Variants in PLEKHG5 observed in about 807,000 individuals in gnomAD.
PLEKHG5 encodes the protein pleckstrin homology and RhoGEF domain containing G5.
PLEKHG5 carries 52 observed loss-of-function variants against 103.8 expected under a neutral mutation model. That is an observed-to-expected ratio of 0.50 (90% CI 0.40 to 0.63). PLEKHG5 has a LOEUF of 0.63. Among genes scored for constraint, PLEKHG5 ranks in the 30% least tolerant of loss-of-function variants. The pLI, the probability that PLEKHG5 is intolerant of heterozygous loss-of-function variation, is 0.00. For missense variants in PLEKHG5, 1,205 were observed against 1,347.6 expected (o/e 0.89, Z 1.66); for synonymous variants, 592 against 575.5 (o/e 1.03, Z -0.41).
chr1:6,501,517 A>G (rs1324392310), upstream of PLEKHG5, among the ~76,000 whole-genome samples: 1 of 152,106 alleles, frequency 6.6e-6, no homozygotes, highest in African/African-American at 2.4e-5. This position sits in a 1 kb window ranked among gnomAD's most constrained non-coding sequence, Gnocchi z 4.3. Flanking sequence ...ACACACAATG[A>G]CCACAGCTCT....
At chr1:6,485,253 G>A (rs1168216031) in intron 1 of PLEKHG5, 14 of 1,052,688 alleles carry the variant, frequency 1.3e-5, no homozygotes, top group African/African-American at 3.3e-5. Flanking sequence ...CTGGCCTCCC[G>A]CACAGGACTG....
chr1:6,495,011 C>T (rs1418389993), upstream of PLEKHG5, among the ~76,000 whole-genome samples: 1 of 152,218 alleles, frequency 6.6e-6, no homozygotes, highest in African/African-American at 2.4e-5. Context: ...GCTGGGCCAT[C>T]CCACCCCTGC....
intron 17 of PLEKHG5, 29 bp from the exon 18 acceptor site, chr1:6,469,479 A>G (rs1482525759): frequency 5.0e-6 from 8 of 1,613,444 alleles, no homozygotes; most frequent in Non-Finnish European, 6.8e-6. Flanking sequence ...AGTCAGTGTC[A>G]GCAGAGACGA....
At chr1:6,519,802 C>A in exon 1 of PLEKHG5, 1 of 525,154 alleles carries the variant, frequency 1.9e-6, no homozygotes, top group Non-Finnish European at 3.4e-6. Context: ...CACTGCATTT[C>A]CTTGTTGGTG....
chr1:6,519,895 G>A (rs1419820629), exon 1 of PLEKHG5: 1 of 335,764 alleles, frequency 3.0e-6, no homozygotes, highest in South Asian at 2.7e-5. Flanking sequence ...TGCCCTGGAG[G>A]TGCCGTCCCT....
At chr1:6,483,869 C>T (rs761875706) in intron 1 of PLEKHG5, among the ~76,000 whole-genome samples, 2 of 152,230 alleles carry the variant, frequency 1.3e-5, no homozygotes, top group East Asian at 1.9e-4. Context: ...GGGAGCCCCC[C>T]GTCTGCGGGC....
At chr1:6,516,889 C>T (rs987850410) in intron 1 of PLEKHG5, among the ~76,000 whole-genome samples, 2,160 of 37,538 alleles carry the variant, frequency 0.058, 44 homozygotes, top group Middle Eastern at 0.19. Flanking sequence ...TATATATACA[C>T]ATATATATAT....
chr1:6,470,971 A>T lies in PLEKHG5; in HGVS notation c.1392+19T>A. The T allele has an allele frequency of 1.3e-6, 2 of 1,521,642 alleles. No individual in the cohort carries two copies. The highest frequency in any genetic ancestry group is 8.9e-7 in the Non-Finnish European group (1 of 1,126,512). 94.3% of individuals were successfully genotyped at this position (1,521,642 alleles called of 1,614,324 possible). On this transcript the variant is annotated intron_variant, in intron 13 of 20. Coordinates refer to ENST00000377728, the MANE Select transcript of PLEKHG5 (RefSeq NM_020631.6). ...GTCCCGTCCTCCTGCGCCCCCGCCCACGGCACGCGCGCCCTCACCGTGATG... is the reference window on the plus strand; with the variant it reads ...GTCCCGTCCTCCTGCGCCCCCGCCCTCGGCACGCGCGCCCTCACCGTGATG...
rs374563344 is a variant in PLEKHG5, at chr1:6,478,412, G to A, written c.-87-754C>T. Among the ~76,000 whole-genome samples the A allele has an allele frequency of 5.2e-4, 79 of 152,098 alleles. 1 individual carries two copies. The South Asian group carries it at 9.1e-3, about 18-fold the overall frequency. ...TCAAACTCCTGGCCTCAAGTGATCC[G>A]CCCACCTTGGTCTCCCAAAATGCTG... On this transcript the variant is annotated intron_variant, in intron 1 of 20. Transcript: ENST00000377728.
rs41278012 is a variant in PLEKHG5 at position 6,472,726 on chromosome 1, A to G, written c.985-104T>C. ...CAACTCTCATTTTCCCAATGGGGACATGGAGGTCCCAAGAGGAGCAGGGTC... is the reference window on the plus strand; with the variant it reads ...CAACTCTCATTTTCCCAATGGGGACGTGGAGGTCCCAAGAGGAGCAGGGTC... On this transcript the variant is annotated intron_variant, in intron 9 of 20. Coordinates refer to ENST00000377728, the MANE Select transcript of PLEKHG5 (RefSeq NM_020631.6). 2.2e-3 allele frequency: 1,876 copies of G among 862,674 alleles called. 2 individuals carry two copies. Among genetic ancestry groups the G allele is most frequent in the Admixed American group, 3.2e-3 (163 of 50,194 alleles). 53.4% of individuals were successfully genotyped at this position (862,674 alleles called of 1,614,324 possible).
Position 6,470,869 on chromosome 1 carries a change from G to A in PLEKHG5, c.1408C>T (p.Pro470Ser). The change falls in exon 14 of 21, where the codon CCA becomes TCA. Residue 470 changes from proline (P) to serine (S), a missense_variant. Transcript: ENST00000377728. ...CTCAGCTTCAGCCTCTGGCACTGTGGGTGCTTCTCCGCCCACTGCGGTGGG... is the reference window on the plus strand; with the variant it reads ...CTCAGCTTCAGCCTCTGGCACTGTGAGTGCTTCTCCGCCCACTGCGGTGGG... ...RAYITWAEKH[P>S]QCQRLKLSDM... The A allele has an allele frequency of 1.3e-6, 2 of 1,569,826 alleles. No individual in the cohort carries two copies. The highest frequency in any genetic ancestry group is 8.6e-7 in the Non-Finnish European group (1 of 1,157,716).
intron 20 of PLEKHG5, 53 bp downstream of exon 20, chr1:6,467,772 C>T (rs539221335): frequency 2.1e-5 from 33 of 1,594,234 alleles, no homozygotes; most frequent in Non-Finnish European, 2.6e-5. Flanking sequence ...CATGAGTGGG[C>T]CCCCATGCCA....
intron 7 of PLEKHG5, among the ~76,000 whole-genome samples, chr1:6,473,683 A>G (rs1644667228): frequency 6.6e-6 from 1 of 152,148 alleles, no homozygotes; most frequent in African/African-American, 2.4e-5. Context: ...AGCATGAAGC[A>G]CAGAGTTACA....
upstream of PLEKHG5, among the ~76,000 whole-genome samples, chr1:6,495,704 C>T (rs911351300): frequency 7.2e-5 from 11 of 152,226 alleles, 1 homozygote; most frequent in South Asian, 8.3e-4. Context: ...CATGTAAATG[C>T]ATGCTGGGAG....
chr1:6,467,561 G>A lies in PLEKHG5; in HGVS notation c.*2C>T. On this transcript the variant is annotated 3_prime_UTR_variant, in exon 21 of 21. Coordinates refer to ENST00000377728, the MANE Select transcript of PLEKHG5 (RefSeq NM_020631.6). ...ATGGCACTCTTGGGGGCCTCCCTCTGCTCAGACCTCCCTACAGGGTGGGGA... is the reference window on the plus strand; with the variant it reads ...ATGGCACTCTTGGGGGCCTCCCTCTACTCAGACCTCCCTACAGGGTGGGGA... 1 of 1,613,366 alleles carries A rather than the reference G, an allele frequency of 6.2e-7. No homozygotes were observed. The highest frequency in any genetic ancestry group is 8.5e-7 in the Non-Finnish European group (1 of 1,179,710).
chr1:6,516,885 T>C (rs879773547), intron 1 of PLEKHG5, among the ~76,000 whole-genome samples: 237 of 10,646 alleles, frequency 0.022, 1 homozygote, highest in Middle Eastern at 0.062. Flanking sequence ...TATATATATA[T>C]ACACATATAT....
At chr1:6,513,783 T>C (rs1163869122) in intron 1 of PLEKHG5, among the ~76,000 whole-genome samples, 4 of 152,236 alleles carry the variant, frequency 2.6e-5, no homozygotes, top group East Asian at 3.8e-4. Context: ...CTACTGTCAC[T>C]GTGGACATGC....
chr1:6,500,260 G>A (rs761949223), upstream of PLEKHG5, among the ~76,000 whole-genome samples: 45 of 152,270 alleles, frequency 3.0e-4, no homozygotes, highest in Non-Finnish European at 5.0e-4. Context: ...AAATAGGTAC[G>A]ATGCCCCAAG....
At position 6,469,692 on chromosome 1, in the gene PLEKHG5, G is replaced by C. The variant is rs369955570; in HGVS notation, c.1801-16C>G. On this transcript the variant is annotated splice_polypyrimidine_tract_variant and intron_variant, in intron 16 of 20. Coordinates refer to ENST00000377728, the MANE Select transcript of PLEKHG5 (RefSeq NM_020631.6). ...ACACATCCATCTGCAGTGGCAGGAGGGGGGGTGGCCAGAGAGGCCAGCAGG... is the reference window on the plus strand; with the variant it reads ...ACACATCCATCTGCAGTGGCAGGAGCGGGGGTGGCCAGAGAGGCCAGCAGG... 129 of 1,610,560 alleles carry C rather than the reference G, an allele frequency of 8.0e-5. No homozygotes were observed. The highest frequency in any genetic ancestry group is 6.7e-4 in the East Asian group (30 of 44,860).
Sources: gnomAD v4.1 joint callset for allele counts (sites outside exome capture counted in the v4.1 genomes callset) on GRCh38, gnomAD v4.1.1 for gene constraint, Gnocchi (gnomAD v3.1) non-coding constraint, MANE v1.5 for transcripts, NCBI Gene and HGNC (gene_info 2026-07-23, HGNC 2026-07-21) for gene names.